The following TFB1M variants were observed in gnomAD, a reference collection of about 807,000 sequenced individuals.
TFB1M encodes the protein dimethyladenosine transferase 1, mitochondrial.
TFB1M carries 27 observed loss-of-function variants against 31.1 expected under a neutral mutation model. That is an observed-to-expected ratio of 0.87 (90% CI 0.64 to 1.20). The LOEUF is 1.20. Ranked by LOEUF, TFB1M falls within the 50% of genes most tolerant of loss-of-function variation. The pLI, the probability that TFB1M is intolerant of heterozygous loss-of-function variation, is 0.00. For missense variants in TFB1M, 394 were observed against 418.7 expected (o/e 0.94, Z 0.51); for synonymous variants, 166 against 151.8 (o/e 1.09, Z -0.69).
At chr6:155,312,060 A>G (rs1778038484) in intron 1 of TFB1M, among the ~76,000 whole-genome samples, 1 of 152,210 alleles carries the variant, frequency 6.6e-6, no homozygotes, top group Non-Finnish European at 1.5e-5. Context: ...CAGTCATCAC[A>G]TCTGGAAAAA....
the TFB1M span, among the ~76,000 whole-genome samples, chr6:155,230,862 C>T: frequency 1.4e-5 from 2 of 143,800 alleles, no homozygotes; most frequent in Non-Finnish European, 3.0e-5. Flanking sequence ...GAGATGGAGT[C>T]TCGCTCTGTC....
the TFB1M span, among the ~76,000 whole-genome samples, chr6:155,231,134 A>ATG: frequency 6.6e-6 from 1 of 151,934 alleles, no homozygotes; most frequent in African/African-American, 2.4e-5. Context: ...GAGCCACTGC[A>ATG]CCCGGCCCTA....
At chr6:155,294,558 C>T (rs1434665647) in intron 4 of TFB1M, among the ~76,000 whole-genome samples, 1 of 152,138 alleles carries the variant, frequency 6.6e-6, no homozygotes, top group East Asian at 1.9e-4. Context: ...AGTAAACACA[C>T]AATAGTGCCC....
intron 2 of TFB1M, chr6:155,310,906 TAAAAA>T (rs375552963): frequency 8.4e-6 from 3 of 357,596 alleles, no homozygotes; most frequent in African/African-American, 6.3e-5. Context: ...TTAGCAGACT[TAAAAA>T]AAAAAATCAC....
Position 155,257,712 on chromosome 6 carries a change from A to C in TFB1M, c.*124T>G. The C allele has an allele frequency of 8.3e-7, 1 of 1,198,714 alleles. No homozygotes were observed. Among genetic ancestry groups the C allele is most frequent in the Admixed American group, 2.1e-5 (1 of 47,272 alleles). 74.3% of individuals were successfully genotyped at this position (1,198,714 alleles called of 1,614,324 possible). A position where few individuals can be genotyped will look rare whatever the true frequency, so the allele number is the denominator to read the frequency against. ...TCTGCCAAGCTGTATAGTAAAAGGA[A>C]AATAAGTCACATCTGGTCATTGGCA... On this transcript the variant is annotated 3_prime_UTR_variant, in exon 7 of 7. Transcript: ENST00000367166.
At chr6:155,314,225 T>A in intron 1 of TFB1M, 71 bp downstream of exon 1, 1 of 1,590,698 alleles carries the variant, frequency 6.3e-7, no homozygotes, top group Admixed American at 1.8e-5. Flanking sequence ...CGCGGGGACG[T>A]GCAAGACCCC....
chr6:155,314,237 CG>C, intron 1 of TFB1M, 58 bp downstream of exon 1: 1 of 1,599,686 alleles, frequency 6.3e-7, no homozygotes. Flanking sequence ...CAAGACCCCC[CG>C]GCCCACGCCC....
chr6:155,269,936 G>C (rs1784845895), intron 5 of TFB1M, among the ~76,000 whole-genome samples: 1 of 152,352 alleles, frequency 6.6e-6, no homozygotes, highest in South Asian at 2.1e-4. Flanking sequence ...TGGCACAGGA[G>C]AATCAGTGAT....
the TFB1M span, chr6:155,249,967 G>T: frequency 6.2e-7 from 1 of 1,611,366 alleles, no homozygotes; most frequent in Admixed American, 1.7e-5. Context: ...AACAGAGAAG[G>T]AGGTCCGTGA....
At chr6:155,279,454 G>T (rs1785387202) in intron 5 of TFB1M, among the ~76,000 whole-genome samples, 1 of 152,136 alleles carries the variant, frequency 6.6e-6, no homozygotes, top group South Asian at 2.1e-4. Flanking sequence ...CAAGGTTTAG[G>T]CTTGGATGAC....
chr6:155,240,394 G>A, the TFB1M span: 1 of 837,632 alleles, frequency 1.2e-6, no homozygotes, highest in East Asian at 2.7e-5. Context: ...TGAGGTGAAT[G>A]AAACCCTTTG....
At chr6:155,279,001 T>C (rs1037289985) in intron 5 of TFB1M, among the ~76,000 whole-genome samples, 1 of 152,044 alleles carries the variant, frequency 6.6e-6, no homozygotes, top group African/African-American at 2.4e-5. Flanking sequence ...TTAACTGAGG[T>C]AGTGCTACTG....
At chr6:155,287,290 T>C (rs1776703829) in intron 4 of TFB1M, among the ~76,000 whole-genome samples, 1 of 151,940 alleles carries the variant, frequency 6.6e-6, no homozygotes, top group South Asian at 2.1e-4. Context: ...TAAGAACATA[T>C]CCTAGAGCAC....
chr6:155,232,459 T>G, the TFB1M span: 1 of 152,240 alleles, frequency 6.6e-6, no homozygotes, highest in Non-Finnish European at 1.5e-5. Context: ...CCACACCCTT[T>G]CTGGGGCTTG....
intron 5 of TFB1M, among the ~76,000 whole-genome samples, chr6:155,281,788 A>G (rs1356959360): frequency 6.9e-6 from 1 of 145,772 alleles, no homozygotes; most frequent in East Asian, 2.0e-4. Flanking sequence ...TTTACGAACT[A>G]TGTTAGATTA....
At chr6:155,272,519 T>TACC (rs1431608885) in intron 5 of TFB1M, among the ~76,000 whole-genome samples, 1 of 151,774 alleles carries the variant, frequency 6.6e-6, no homozygotes, top group East Asian at 1.9e-4. Flanking sequence ...AGTATTTCTC[T>TACC]ACCACCACCA....
chr6:155,310,925 A>G, intron 2 of TFB1M: 1 of 448,752 alleles, frequency 2.2e-6, no homozygotes, highest in South Asian at 2.9e-5. Context: ...AAATCACACA[A>G]AACAATTAAT....
intron 4 of TFB1M, among the ~76,000 whole-genome samples, chr6:155,287,560 G>C (rs1185966979): frequency 2.0e-5 from 3 of 151,376 alleles, no homozygotes; most frequent in African/African-American, 7.3e-5. Flanking sequence ...GAGTGTGTGT[G>C]TGTGTGTGTG....
the TFB1M span, chr6:155,248,117 T>C: frequency 3.1e-6 from 5 of 1,614,068 alleles, no homozygotes; most frequent in Admixed American, 8.3e-5. Flanking sequence ...AAGTACCCGC[T>C]GCTGCTCAAG....
Sources: gnomAD v4.1 joint callset for allele counts (sites outside exome capture counted in the v4.1 genomes callset) on GRCh38, gnomAD v4.1.1 for gene constraint, MANE v1.5 for transcripts, NCBI Gene and HGNC (gene_info 2026-07-23, HGNC 2026-07-21) for gene names.